The following VAV2 variants were observed in gnomAD, a reference collection of about 807,000 sequenced individuals.
VAV2 encodes vav guanine nucleotide exchange factor 2, also known as guanine nucleotide exchange factor VAV2.
A neutral mutation model predicts 132.5 loss-of-function variants in VAV2; 67 were observed. That is an observed-to-expected ratio of 0.51 (90% CI 0.42 to 0.62). The LOEUF is 0.62. Ranked by LOEUF, VAV2 falls within the 20% of genes least tolerant of loss-of-function variation. VAV2 has a pLI of 0.00. For missense variants in VAV2, 938 were observed against 1,153.6 expected (o/e 0.81, Z 2.71); for synonymous variants, 492 against 443.5 (o/e 1.11, Z -1.37).
In VAV2 at chr9:133,809,042, T is replaced by G. The variant is rs1564368166; in HGVS notation, c.664A>C (p.Lys222Gln). The part of the protein sequence containing the change: ...KYYRTLEDIE[K>Q]NYMSPLRLVL... The stretch of plus-strand genomic sequence containing the variant: ...CAGTGGCCGCCATCTGCCCTCACCT[T>G]CTCAATGTCCTCCAGGGTGCGGTAG... The change falls in exon 7 of 30, where the codon AAG (lysine) becomes CAG (glutamine). Residue 222 changes from lysine to glutamine, a missense_variant and splice_region_variant. Lys to Gln is a moderately conservative substitution (Grantham distance 53). Transcript: ENST00000371850. 3 of 1,613,534 alleles carry G rather than the reference T, an allele frequency of 1.9e-6. No individual in the cohort carries two copies. Among genetic ancestry groups the G allele is most frequent in the Non-Finnish European group, 2.5e-6 (3 of 1,179,638 alleles).
At chr9:133,792,678 A>ACC (rs199592841) in intron 12 of VAV2, among the ~76,000 whole-genome samples, 61 of 118,730 alleles carry the variant, frequency 5.1e-4, no homozygotes, top group African/African-American at 1.2e-3. Context: ...CCCCCAAGGG[A>ACC]CCCCCCCCCC....
Position 133,851,889 on chromosome 9 carries a change from A to G in VAV2, c.380+9485T>C, listed in dbSNP as rs1837192493. The stretch of plus-strand genomic sequence containing the variant: ...GGTGGGTGAATAAATGGATGGATGC[A>G]TGGATGGATGGATGGATGGGTGGAT... On this transcript the variant is annotated intron_variant, in intron 3 of 29. Coordinates refer to ENST00000371850, the MANE Select transcript of VAV2 (RefSeq NM_001134398.2). 2.0e-5 allele frequency among the ~76,000 whole-genome samples: 3 copies of G among 146,466 alleles called. No homozygotes were observed. In the South Asian group the frequency reaches 6.5e-4, roughly 32 times the overall value.
At chr9:133,786,632 G>A (rs1316097203) in intron 16 of VAV2, among the ~76,000 whole-genome samples, 1 of 152,256 alleles carries the variant, frequency 6.6e-6, no homozygotes, top group African/African-American at 2.4e-5. Context: ...CAAAAAGGCA[G>A]GGAACAGCCA....
intron 3 of VAV2, among the ~76,000 whole-genome samples, chr9:133,842,082 AG>A (rs1223398378): frequency 6.6e-6 from 1 of 152,202 alleles, no homozygotes; most frequent in Admixed American, 6.5e-5. Context: ...GGATTCTGGA[AG>A]GTACTGACGA....
chr9:133,967,742 C>T (rs1354085986), intron 1 of VAV2, among the ~76,000 whole-genome samples: 5 of 126,636 alleles, frequency 3.9e-5, no homozygotes, highest in African/African-American at 1.5e-4. Flanking sequence ...GACCAGCCCG[C>T]CCAACGTGGT....
At chr9:133,908,223 C>T (rs2132035065) in intron 2 of VAV2, among the ~76,000 whole-genome samples, 1 of 152,080 alleles carries the variant, frequency 6.6e-6, no homozygotes, top group South Asian at 2.1e-4. Context: ...CTTGCGGCCA[C>T]TTAAAGCATG....
chr9:133,771,609 C>T (rs1192548222), intron 26 of VAV2, among the ~76,000 whole-genome samples: 4 of 152,178 alleles, frequency 2.6e-5, no homozygotes, highest in Non-Finnish European at 4.4e-5. Context: ...TGGGGCTACC[C>T]GGCCAGGCCC....
At chr9:133,913,267 C>T (rs750396795) in intron 2 of VAV2, among the ~76,000 whole-genome samples, 40 of 152,146 alleles carry the variant, frequency 2.6e-4, no homozygotes, top group Non-Finnish European at 3.8e-4. Context: ...ATGAGAAGGA[C>T]GATAAAAACA....
intron 2 of VAV2, among the ~76,000 whole-genome samples, chr9:133,930,579 A>G (rs1270705713): frequency 1.3e-5 from 2 of 152,264 alleles, no homozygotes; most frequent in African/African-American, 4.8e-5. Context: ...GGCACAGCCG[A>G]GCAGATAAAA....
chr9:133,972,496 C>CTG (rs78520322), intron 1 of VAV2, among the ~76,000 whole-genome samples: 152,058 of 152,310 alleles, frequency 1, 75,903 homozygotes, highest in East Asian at 1. Flanking sequence ...AAGGCAAACA[C>CTG]TCTTTGCCGC....
chr9:133,953,201 C>T (rs1841626852), intron 1 of VAV2, among the ~76,000 whole-genome samples: 1 of 152,248 alleles, frequency 6.6e-6, no homozygotes, highest in Non-Finnish European at 1.5e-5. Flanking sequence ...TTCAGGCTCG[C>T]GGCCTCCAGG....
chr9:133,853,942 A>G (rs1837283808), intron 3 of VAV2, among the ~76,000 whole-genome samples: 1 of 152,146 alleles, frequency 6.6e-6, no homozygotes, highest in Admixed American at 6.5e-5. Context: ...TGGGATACAG[A>G]ATGAGCAAGA....
chr9:133,980,125 G>A (rs933017997), intron 1 of VAV2, among the ~76,000 whole-genome samples: 35 of 152,194 alleles, frequency 2.3e-4, no homozygotes, highest in Admixed American at 2.0e-3. Flanking sequence ...GGGCAGAGCT[G>A]GTCAGCCCTG....
intron 24 of VAV2, 29 bp downstream of exon 24, chr9:133,775,999 C>A: frequency 6.3e-7 from 1 of 1,586,942 alleles, no homozygotes; most frequent in South Asian, 1.1e-5. Flanking sequence ...CCACCAGATG[C>A]CCATGTCTGC....
intron 1 of VAV2, among the ~76,000 whole-genome samples, chr9:133,947,487 G>A (rs1418083887): frequency 6.6e-6 from 1 of 152,094 alleles, no homozygotes. Flanking sequence ...ATCACCTGAG[G>A]TCAGGAGTTT....
In VAV2 at chr9:133,826,168, C is replaced by T. The variant is rs1048557716; in HGVS notation, c.449+8104G>A. 8.5e-5 allele frequency among the ~76,000 whole-genome samples: 13 copies of T among 152,208 alleles called. No individual in the cohort carries two copies. The highest frequency in any genetic ancestry group is 2.0e-4 in the Admixed American group (3 of 15,286). On this transcript the variant is annotated intron_variant, in intron 4 of 29. Transcript: ENST00000371850. The surrounding 1 kb of genome is among the most constrained non-coding windows in gnomAD (Gnocchi z 4.2). ...GATTCACAGACCATCTGGGCAGATG[C>T]TTTCGTTTCAGAGACTGGGAAACTG... is the stretch of plus-strand genomic sequence containing the variant.
At chr9:133,899,968 C>A (rs1449403566) in intron 2 of VAV2, among the ~76,000 whole-genome samples, 2 of 150,536 alleles carry the variant, frequency 1.3e-5, no homozygotes, top group African/African-American at 4.8e-5. Context: ...TTGCAGTGAG[C>A]CGAGATTGCA....
rs950224674 is a variant in VAV2 at position 133,826,408 on chromosome 9, G to A, written c.449+7864C>T. 6.6e-6 allele frequency among the ~76,000 whole-genome samples: 1 copy of A among 152,192 alleles called. No individual in the cohort carries two copies. On this transcript the variant is annotated intron_variant, in intron 4 of 29. Transcript: ENST00000371850. The surrounding 1 kb of genome is among the most constrained non-coding windows in gnomAD (Gnocchi z 4.2). ...CCTTCAAGGATGCTCCTGCTCAGAT[G>A]CTCTCTGGGGAGAAGCCAGGAGGAC...
At chr9:133,807,151 C>T in intron 8 of VAV2, 107 bp downstream of exon 8, 1 of 1,312,262 alleles carries the variant, frequency 7.6e-7, no homozygotes. Context: ...CACCACGGAG[C>T]CACAGGGGTG....
Sources: allele counts gnomAD v4.1 joint callset (sites outside exome capture counted in the v4.1 genomes callset), GRCh38; gene constraint gnomAD v4.1.1; non-coding constraint Gnocchi (gnomAD v3.1); transcripts MANE v1.5; gene names NCBI Gene and HGNC (gene_info 2026-07-23, HGNC 2026-07-21).